The following USH2A variants were observed in gnomAD, a reference collection of about 807,000 sequenced individuals.
USH2A encodes the protein usherin, also known as Usher syndrome 2A (autosomal recessive, mild).
A neutral mutation model predicts 538.9 loss-of-function variants in USH2A; 443 were observed. The ratio of observed to expected loss-of-function variants is 0.82; its 90% CI spans 0.76 to 0.89. The LOEUF (loss-of-function observed/expected upper bound fraction) is 0.89. USH2A is among the 40% of genes least tolerant of loss of function. USH2A has a pLI of 0.00. For synonymous variants in USH2A, 2,413 were observed against 2,273.5 expected, an observed-to-expected ratio of 1.06 and a Z score of -1.75; for missense variants, 6,633 against 6,324.8, an observed-to-expected ratio of 1.05 and a Z score of -1.65.
intron 32 of USH2A, among the ~76,000 whole-genome samples, chr1:216,010,117 T>A (rs2102491348): frequency 6.6e-6 from 1 of 152,308 alleles, no homozygotes; most frequent in African/African-American, 2.4e-5. Flanking sequence ...CAGGATTTAA[T>A]TAACCTCGCC....
rs1275237280 is a variant in USH2A, at chr1:215,965,340, G to A, written c.7097C>T (p.Thr2366Ile). Residue 2366 changes from threonine (T) to isoleucine (I), a missense_variant, in exon 37 of 72, where the codon ACT becomes ATT. Physicochemically the swap from Thr to Ile is moderately conservative, Grantham distance 89. Coordinates refer to ENST00000307340, the MANE Select transcript of USH2A (RefSeq NM_206933.4). ...ACCTGGGTCTACATAGAATATCCCA[G>A]TGAAAAGGACTGAGTGTGTTAAGAG... ...NGLLTHSVLF[T>I]GIFYVDPVGN... 1 of 1,613,704 alleles carries A rather than the reference G, an allele frequency of 6.2e-7. No individual in the cohort carries two copies. Among genetic ancestry groups the A allele is most frequent in the Non-Finnish European group, 8.5e-7 (1 of 1,179,808 alleles).
At chr1:216,269,399 C>G (rs774132645) in intron 11 of USH2A, among the ~76,000 whole-genome samples, 13 of 152,074 alleles carry the variant, frequency 8.5e-5, no homozygotes, top group Non-Finnish European at 1.8e-4. Flanking sequence ...CCTCCCCAGC[C>G]ATGTGGAACT....
chr1:215,773,911 C>T (rs1278933708), intron 55 of USH2A, among the ~76,000 whole-genome samples: 1 of 152,164 alleles, frequency 6.6e-6, no homozygotes, highest in Admixed American at 6.5e-5. Context: ...ACTTTACAGA[C>T]ATCTAAGGTA....
rs973452297 is a variant in USH2A, at chr1:215,623,689, A to T, written c.*2092T>A. 6.6e-6 allele frequency: 1 copy of T among 152,154 alleles called. No homozygotes were observed. Among genetic ancestry groups the T allele is most frequent in the Non-Finnish European group, 1.5e-5 (1 of 68,024 alleles). 9.4% of individuals were successfully genotyped at this position (152,154 alleles called of 1,614,324 possible). A position where few individuals can be genotyped will look rare whatever the true frequency, so the allele number is the denominator to read the frequency against. On this transcript the variant is annotated 3_prime_UTR_variant, in exon 72 of 72. Coordinates refer to ENST00000307340, the MANE Select transcript of USH2A (RefSeq NM_206933.4). The stretch of plus-strand genomic sequence containing the variant: ...GTAAATGATTCAGCTAACTGAGTTC[A>T]TGTCTAATTAGATGATTAAATGGAT...
intron 43 of USH2A, among the ~76,000 whole-genome samples, chr1:215,874,316 G>A (rs975994): frequency 0.28 from 43,238 of 152,016 alleles, 6,727 homozygotes; most frequent in Admixed American, 0.43. Flanking sequence ...GTAGTTATAC[G>A]GAATTCGTGT....
intron 9 of USH2A, among the ~76,000 whole-genome samples, chr1:216,306,667 G>T (rs1336134943): frequency 6.6e-6 from 1 of 152,220 alleles, no homozygotes; most frequent in Non-Finnish European, 1.5e-5. Context: ...GGGCTCAAGT[G>T]CTGTTGTTCA....
At chr1:215,757,943 A>G (rs1323786112) in intron 58 of USH2A, among the ~76,000 whole-genome samples, 1 of 152,226 alleles carries the variant, frequency 6.6e-6, no homozygotes, top group Non-Finnish European at 1.5e-5. Context: ...AGTCCCATGG[A>G]AATGAATGTT....
At chr1:216,239,008 G>T (rs2035882120) in intron 13 of USH2A, among the ~76,000 whole-genome samples, 1 of 151,900 alleles carries the variant, frequency 6.6e-6, no homozygotes, top group Non-Finnish European at 1.5e-5. Flanking sequence ...ACATTGCAGG[G>T]CTGGCTACTG....
intron 61 of USH2A, among the ~76,000 whole-genome samples, chr1:215,683,907 G>T (rs1411487197): frequency 2.6e-5 from 4 of 151,978 alleles, no homozygotes; most frequent in African/African-American, 9.7e-5. Context: ...CCTTGCACTT[G>T]CTTCTGTTTT....
chr1:216,146,493 T>A (rs888050680), intron 21 of USH2A, among the ~76,000 whole-genome samples: 2 of 152,174 alleles, frequency 1.3e-5, no homozygotes, highest in African/African-American at 2.4e-5. Context: ...CCTTGGTCCT[T>A]CACCCTTAGC....
intron 45 of USH2A, 82 bp from the exon 46 acceptor site, chr1:215,844,578 G>C: frequency 6.8e-7 from 1 of 1,470,788 alleles, no homozygotes; most frequent in Non-Finnish European, 9.4e-7. Flanking sequence ...TTAGTATTTA[G>C]GTTTAGCAAA....
intron 37 of USH2A, among the ~76,000 whole-genome samples, chr1:215,957,294 T>C (rs1348635006): frequency 1.3e-5 from 2 of 152,172 alleles, no homozygotes; most frequent in Admixed American, 6.5e-5. Context: ...ACATCTGAAA[T>C]GGTCAGGAAG....
intron 29 of USH2A, 143 bp from the exon 30 acceptor site, chr1:216,070,435 T>C: frequency 1.2e-6 from 1 of 805,996 alleles, no homozygotes; most frequent in Non-Finnish European, 2.1e-6. Context: ...CTTTTCAGCA[T>C]TGATTTAATA....
intron 21 of USH2A, among the ~76,000 whole-genome samples, chr1:216,124,924 C>T (rs2033217823): frequency 6.6e-6 from 1 of 150,482 alleles, no homozygotes; most frequent in Admixed American, 6.7e-5. Context: ...GGTAATAAGA[C>T]ATTCTGCATG....
At chr1:215,979,998 T>C (rs1325428698) in intron 35 of USH2A, among the ~76,000 whole-genome samples, 1 of 152,198 alleles carries the variant, frequency 6.6e-6, no homozygotes, top group African/African-American at 2.4e-5. Context: ...TTTTAGAAGA[T>C]GTTGACATTG....
At chr1:215,647,811 G>C in intron 66 of USH2A, 81 bp from the exon 67 acceptor site, 5 of 1,516,174 alleles carry the variant, frequency 3.3e-6, no homozygotes, top group South Asian at 1.2e-5. Flanking sequence ...GTTCTATTTT[G>C]TGAGGAGACA....
At chr1:215,978,757 C>T (rs1398689370) in intron 35 of USH2A, among the ~76,000 whole-genome samples, 2 of 152,136 alleles carry the variant, frequency 1.3e-5, no homozygotes, top group East Asian at 3.9e-4. Context: ...CTTTTTAGAG[C>T]AGTCAAGTCT....
At chr1:215,705,276 T>C (rs1439357267) in intron 61 of USH2A, among the ~76,000 whole-genome samples, 1 of 152,256 alleles carries the variant, frequency 6.6e-6, no homozygotes, top group Non-Finnish European at 1.5e-5. Context: ...TTGTTTTTTC[T>C]TTTTAAGTTT....
At chr1:216,111,179 C>G (rs372315618) in intron 21 of USH2A, among the ~76,000 whole-genome samples, 1 of 152,042 alleles carries the variant, frequency 6.6e-6, no homozygotes, top group Non-Finnish European at 1.5e-5. Context: ...TGCAGTGAGC[C>G]GAGATCGTGC....
Sources: allele counts gnomAD v4.1 joint callset (sites outside exome capture counted in the v4.1 genomes callset), GRCh38; gene constraint gnomAD v4.1.1; transcripts MANE v1.5; gene names NCBI Gene and HGNC (gene_info 2026-07-23, HGNC 2026-07-21).